The following MOSMO variants were observed in gnomAD, a reference collection of about 807,000 sequenced individuals.
The protein encoded by MOSMO is modulator of smoothened.
A neutral mutation model predicts 18.4 loss-of-function variants in MOSMO; 5 were observed. That is an observed-to-expected ratio of 0.27 (90% CI 0.14 to 0.57). MOSMO has a LOEUF of 0.57. MOSMO is among the 20% of genes least tolerant of loss of function. The pLI is 0.92. For missense variants in MOSMO, 138 were observed against 211.8 expected, an observed-to-expected ratio of 0.65 and a Z score of 2.16; for synonymous variants, 82 against 82.3, an observed-to-expected ratio of 1.00 and a Z score of 0.02.
In MOSMO at chr16:22,080,911, TTTTTA is replaced by T. The variant is rs1400336843; in HGVS notation, c.*46_*50del. On this transcript the variant is annotated 3_prime_UTR_variant, in exon 3 of 3. Transcript: ENST00000542527. ...GTCTAAATTGCTTGACTCTTATTAT[TTTTTA>T]TTTTATTTTATTTTTTTATTTTTGG... 5.4e-6 allele frequency: 6 copies of T among 1,120,420 alleles called. No homozygotes were observed. The highest frequency in any genetic ancestry group is 3.1e-5 in the East Asian group (1 of 32,544). The allele number at this position is 1,120,420 out of a possible 1,614,324, so 69.4% of individuals were successfully genotyped here.
At chr16:22,013,255 T>G (rs1251363844) in intron 1 of MOSMO, among the ~76,000 whole-genome samples, 4 of 152,236 alleles carry the variant, frequency 2.6e-5, no homozygotes, top group Non-Finnish European at 5.9e-5. Context: ...GGTAGTGCTT[T>G]GCATGTGAGA....
At chr16:22,029,162 G>A (rs779917925) in intron 1 of MOSMO, among the ~76,000 whole-genome samples, 4 of 152,086 alleles carry the variant, frequency 2.6e-5, no homozygotes, top group Non-Finnish European at 4.4e-5. Context: ...GAGCCACCAC[G>A]CCTGGCTATG....
chr16:22,021,788 A>T (rs1255686061), intron 1 of MOSMO, among the ~76,000 whole-genome samples: 1 of 151,602 alleles, frequency 6.6e-6, no homozygotes, highest in Non-Finnish European at 1.5e-5. Context: ...ACAGAGTGAG[A>T]CCCTGTCTCA....
chr16:22,040,946 A>C (rs1176609320), intron 1 of MOSMO, among the ~76,000 whole-genome samples: 1 of 152,202 alleles, frequency 6.6e-6, no homozygotes, highest in East Asian at 1.9e-4. Context: ...CCTGGGCAAC[A>C]GATTGAGACT....
At chr16:22,009,384 A>T (rs1005093719) in intron 1 of MOSMO, among the ~76,000 whole-genome samples, 3 of 152,072 alleles carry the variant, frequency 2.0e-5, no homozygotes, top group Non-Finnish European at 2.9e-5. Flanking sequence ...CTCGGGAAAG[A>T]GGCGGGCATC....
intron 1 of MOSMO, among the ~76,000 whole-genome samples, chr16:22,024,539 G>C (rs1347752822): frequency 6.6e-6 from 1 of 151,772 alleles, no homozygotes; most frequent in African/African-American, 2.4e-5. Context: ...GCTAATTTTC[G>C]TATTTTTAGC....
At chr16:22,064,041 G>A (rs1244083720) in intron 1 of MOSMO, among the ~76,000 whole-genome samples, 2 of 152,164 alleles carry the variant, frequency 1.3e-5, no homozygotes, top group Non-Finnish European at 2.9e-5. Flanking sequence ...CTGGGCTTCA[G>A]TATTTTCTAA....
intron 1 of MOSMO, among the ~76,000 whole-genome samples, chr16:22,031,002 C>T (rs1163167537): frequency 1.3e-5 from 2 of 152,030 alleles, no homozygotes; most frequent in African/African-American, 4.8e-5. Context: ...AACAGTTGAC[C>T]GGAAGTCAGT....
chr16:22,075,933 T>G, intron 2 of MOSMO: 1 of 422,398 alleles, frequency 2.4e-6, no homozygotes, highest in Non-Finnish European at 4.4e-6. Flanking sequence ...TAATGAATTT[T>G]ATTTTTGCTC....
At chr16:22,032,770 A>G (rs889223185) in intron 1 of MOSMO, among the ~76,000 whole-genome samples, 1 of 151,718 alleles carries the variant, frequency 6.6e-6, no homozygotes, top group African/African-American at 2.4e-5. Context: ...CCAGTCTTGA[A>G]CTCATGGCCT....
At chr16:22,029,888 G>A (rs544093799) in intron 1 of MOSMO, among the ~76,000 whole-genome samples, 152 of 152,236 alleles carry the variant, frequency 1.0e-3, no homozygotes, top group Non-Finnish European at 1.1e-3. Context: ...TTGACCTCCC[G>A]AAGTGCTGCG....
chr16:22,064,486 C>A (rs1320445105), intron 1 of MOSMO: 1 of 444,898 alleles, frequency 2.2e-6, no homozygotes, highest in East Asian at 7.1e-5. Flanking sequence ...CTCTTGATAC[C>A]CTAATTGAAA....
intron 1 of MOSMO, among the ~76,000 whole-genome samples, chr16:22,016,517 T>G (rs1241475339): frequency 2.0e-5 from 3 of 152,214 alleles, no homozygotes; most frequent in Non-Finnish European, 1.5e-5. Context: ...GAAGAGAGAC[T>G]GCATAGTCAG....
intron 2 of MOSMO, chr16:22,076,251 A>G (rs1029313081): frequency 2.0e-5 from 3 of 152,388 alleles, no homozygotes; most frequent in Admixed American, 6.5e-5. Flanking sequence ...GTACTTTGCA[A>G]AATTGGTTTA....
At chr16:22,041,387 T>C (rs963013835) in intron 1 of MOSMO, among the ~76,000 whole-genome samples, 16 of 152,178 alleles carry the variant, frequency 1.1e-4, no homozygotes, top group Non-Finnish European at 2.1e-4. Flanking sequence ...ACATGGGAAT[T>C]TTGTTTAAAA....
In MOSMO at chr16:22,008,257, G is replaced by A; in HGVS notation, c.-45G>A. The A allele has an allele frequency of 7.5e-7, 1 of 1,335,842 alleles. No individual in the cohort carries two copies. The highest frequency in any genetic ancestry group is 2.2e-5 in the Admixed American group (1 of 45,150). 82.7% of individuals were successfully genotyped at this position (1,335,842 alleles called of 1,614,324 possible). A position where few individuals can be genotyped will look rare whatever the true frequency, so the allele number is the denominator to read the frequency against. Reference sequence around the variant, plus strand: ...CCCATGGGGCGGGAGGCGTGAGGCCGCTGCCTGTCCGGGGCTCGGGGGGTG... The same window carrying A: ...CCCATGGGGCGGGAGGCGTGAGGCCACTGCCTGTCCGGGGCTCGGGGGGTG... On this transcript the variant is annotated 5_prime_UTR_variant, in exon 1 of 3. Coordinates refer to ENST00000542527, the MANE Select transcript of MOSMO (RefSeq NM_001164579.2).
chr16:22,088,192 TA>T (rs201022857), downstream of MOSMO, among the ~76,000 whole-genome samples: 9 of 151,410 alleles, frequency 5.9e-5, no homozygotes, highest in Admixed American at 3.9e-4. Context: ...GCCTGCTAAT[TA>T]AAAAAAAAAT....
chr16:22,054,389 C>A (rs1900492724), intron 1 of MOSMO, among the ~76,000 whole-genome samples: 1 of 152,202 alleles, frequency 6.6e-6, no homozygotes, highest in Non-Finnish European at 1.5e-5. Flanking sequence ...AGCCACCACA[C>A]CCAGCCAGGA....
chr16:22,023,882 C>G (rs1255266471), intron 1 of MOSMO, among the ~76,000 whole-genome samples: 1 of 151,816 alleles, frequency 6.6e-6, no homozygotes. Context: ...GAGGTACTTA[C>G]TCCTTTTCTG....
Sources: gnomAD v4.1 joint callset for allele counts (sites outside exome capture counted in the v4.1 genomes callset) on GRCh38, gnomAD v4.1.1 for gene constraint, MANE v1.5 for transcripts, NCBI Gene and HGNC (gene_info 2026-07-23, HGNC 2026-07-21) for gene names.